ARSB: variants seen among roughly 807,000 people sequenced by gnomAD.
ARSB encodes the protein arylsulfatase B, also known as N-acetylgalactosamine-4-sulfatase.
Under a neutral mutation model 50.9 loss-of-function variants are expected in ARSB, and 41 were observed. The observed-to-expected ratio is 0.81, with a 90% CI of 0.63 to 1.04. ARSB has a LOEUF of 1.04. Among genes scored for constraint, ARSB ranks in the 50% least tolerant of loss-of-function variants. The pLI, the probability that ARSB is intolerant of heterozygous loss-of-function variation, is 0.00. For missense variants in ARSB, 672 were observed against 693.3 expected, an observed-to-expected ratio of 0.97 and a Z score of 0.35; for synonymous variants, 269 against 284.8, an observed-to-expected ratio of 0.94 and a Z score of 0.56.
chr5:78,910,960 G>A (rs13184587), intron 4 of ARSB, among the ~76,000 whole-genome samples: 34,909 of 151,982 alleles, frequency 0.23, 4,525 homozygotes, highest in Admixed American at 0.31. Context: ...GAGATTTAAT[G>A]GCTAATACAA....
At chr5:78,830,047 T>C (rs1166699118) in intron 6 of ARSB, among the ~76,000 whole-genome samples, 1 of 152,234 alleles carries the variant, frequency 6.6e-6, no homozygotes, top group Non-Finnish European at 1.5e-5. Flanking sequence ...TGAGAGGGAC[T>C]GTTTGGAAGT....
chr5:78,795,534 G>T (rs1344786573), intron 6 of ARSB, among the ~76,000 whole-genome samples: 1 of 152,172 alleles, frequency 6.6e-6, no homozygotes, highest in East Asian at 1.9e-4. Context: ...AAATAGGGAG[G>T]CCTGACCACC....
chr5:78,860,839 G>T (rs1692290266), intron 5 of ARSB, among the ~76,000 whole-genome samples: 1 of 152,148 alleles, frequency 6.6e-6, no homozygotes, highest in African/African-American at 2.4e-5. Flanking sequence ...TTTCTGAAAA[G>T]ATCAACAAAA....
chr5:78,941,457 T>A (rs1463999806), intron 4 of ARSB, among the ~76,000 whole-genome samples: 1 of 152,242 alleles, frequency 6.6e-6, no homozygotes, highest in East Asian at 1.9e-4. Flanking sequence ...ATACGTCCCA[T>A]CAATATCTAA....
At chr5:78,815,553 A>G (rs2112664551) in intron 6 of ARSB, 1 of 986,410 alleles carries the variant, frequency 1.0e-6, no homozygotes, top group East Asian at 1.1e-4. Context: ...GGTGGAGGAA[A>G]GCATCTGGGC....
At chr5:78,939,362 T>C (rs945752299) in intron 4 of ARSB, among the ~76,000 whole-genome samples, 2 of 151,998 alleles carry the variant, frequency 1.3e-5, no homozygotes, top group African/African-American at 4.8e-5. Flanking sequence ...ACATGTGCCA[T>C]GTTGGTGTGC....
intron 1 of ARSB, among the ~76,000 whole-genome samples, chr5:78,982,389 A>C (rs1248247910): frequency 6.6e-6 from 1 of 152,258 alleles, no homozygotes; most frequent in Non-Finnish European, 1.5e-5. Context: ...TGATGGGTTG[A>C]TTCTTTACCT....
intron 6 of ARSB, among the ~76,000 whole-genome samples, chr5:78,826,291 C>T (rs1020933317): frequency 3.9e-5 from 6 of 152,170 alleles, no homozygotes; most frequent in Admixed American, 6.5e-5. Context: ...GTGATCTGCT[C>T]GCCTCAGCCT....
At chr5:78,834,769 C>T (rs1184953331) in intron 6 of ARSB, among the ~76,000 whole-genome samples, 2 of 150,942 alleles carry the variant, frequency 1.3e-5, no homozygotes, top group Non-Finnish European at 3.0e-5. Flanking sequence ...CTGTTCAAGC[C>T]CCTGCTTTTA....
intron 4 of ARSB, among the ~76,000 whole-genome samples, chr5:78,921,812 A>C (rs1420936318): frequency 6.6e-6 from 1 of 152,218 alleles, no homozygotes; most frequent in Non-Finnish European, 1.5e-5. Context: ...GAGGCATTGA[A>C]GAGGGTAGGA....
chr5:78,902,600 T>C (rs915705431), intron 4 of ARSB, among the ~76,000 whole-genome samples: 2 of 152,172 alleles, frequency 1.3e-5, no homozygotes, highest in African/African-American at 4.8e-5. Flanking sequence ...AGAAATGAAA[T>C]ACTGATTTAT....
intron 6 of ARSB, among the ~76,000 whole-genome samples, chr5:78,825,804 G>A (rs1038175851): frequency 6.6e-6 from 1 of 152,078 alleles, no homozygotes; most frequent in African/African-American, 2.4e-5. Flanking sequence ...GATCTGAAAT[G>A]AATATAAATA....
Position 78,937,063 on chromosome 5 carries a change from T to C in ARSB, c.898+18232A>G, listed in dbSNP as rs375233595. ...ATCCTCCAGTGCAGCCTGTCCAACA[T>C]AACATAGCTCTTGCCTCACAGAGAA... On this transcript the variant is annotated intron_variant, in intron 4 of 7. Transcript: ENST00000264914. 4.6e-5 allele frequency among the ~76,000 whole-genome samples: 7 copies of C among 151,954 alleles called. No individual in the cohort carries two copies. The East Asian group carries it at 1.2e-3, about 25-fold the overall frequency.
At chr5:78,785,944 A>G (rs1749069754) in intron 6 of ARSB, among the ~76,000 whole-genome samples, 1 of 152,230 alleles carries the variant, frequency 6.6e-6, no homozygotes, top group Non-Finnish European at 1.5e-5. Flanking sequence ...CTTCTAATCA[A>G]TAGGGAGACA....
chr5:78,965,048 T>G (rs1317507891), intron 2 of ARSB, among the ~76,000 whole-genome samples: 2 of 152,216 alleles, frequency 1.3e-5, no homozygotes, highest in African/African-American at 4.8e-5. Flanking sequence ...GCTTCAAGGT[T>G]ATTTACAGAA....
At chr5:78,909,252 A>T (rs186818) in intron 4 of ARSB, among the ~76,000 whole-genome samples, 1 of 151,948 alleles carries the variant, frequency 6.6e-6, no homozygotes, top group South Asian at 2.1e-4. Flanking sequence ...TCCAGAGAGT[A>T]CTTGACTTAG....
chr5:78,944,059 G>T lies in ARSB; in HGVS notation c.898+11236C>A, dbSNP rs536427553. On this transcript the variant is annotated intron_variant, in intron 4 of 7. Coordinates refer to ENST00000264914, the MANE Select transcript of ARSB (RefSeq NM_000046.5). Reference sequence around the variant, plus strand: ...TGAATCACTGATACCCTTTCTTCCAGTTGATCAAATCGGCTACTGAGTCTT... The same window carrying T: ...TGAATCACTGATACCCTTTCTTCCATTTGATCAAATCGGCTACTGAGTCTT... Among the ~76,000 whole-genome samples the T allele has an allele frequency of 8.5e-4, 130 of 152,246 alleles. 3 individuals are homozygous for T. The highest frequency in any genetic ancestry group is 6.8e-3 in the Middle Eastern group (2 of 294).
chr5:78,868,553 A>G (rs1267089199), intron 5 of ARSB, among the ~76,000 whole-genome samples: 1 of 138,806 alleles, frequency 7.2e-6, no homozygotes, highest in Non-Finnish European at 1.6e-5. Flanking sequence ...TTTCATATCC[A>G]GCCAAACTAA....
chr5:78,859,599 G>A (rs891269721), intron 5 of ARSB, among the ~76,000 whole-genome samples: 8 of 151,982 alleles, frequency 5.3e-5, no homozygotes, highest in East Asian at 1.9e-4. Flanking sequence ...CTGAAGAGAC[G>A]AACAACACAT....
Sources: gnomAD v4.1 joint callset for allele counts (sites outside exome capture counted in the v4.1 genomes callset) on GRCh38, gnomAD v4.1.1 for gene constraint, MANE v1.5 for transcripts, NCBI Gene and HGNC (gene_info 2026-07-23, HGNC 2026-07-21) for gene names.